The following PACRG variants were observed in gnomAD, a reference collection of about 807,000 sequenced individuals.
PACRG encodes the protein parkin coregulated gene protein.
Under a neutral mutation model 29.7 loss-of-function variants are expected in PACRG, and 29 were observed. That is an observed-to-expected ratio of 0.98 (90% CI 0.73 to 1.33). The LOEUF is 1.33. Ranked by LOEUF, PACRG falls within the 40% of genes most tolerant of loss-of-function variation. The probability of loss-of-function intolerance (pLI) is 0.00; values close to 1 mark genes in which losing one functional copy is unlikely to be tolerated. For missense variants in PACRG, 279 were observed against 316.2 expected (o/e 0.88, Z 0.89); for synonymous variants, 116 against 118.7 (o/e 0.98, Z 0.15).
chr6:163,313,846 C>T (rs1338534299), intron 4 of PACRG: 1 of 152,164 alleles, frequency 6.6e-6, no homozygotes, highest in African/African-American at 2.4e-5. Context: ...CCTTGGTAAC[C>T]TAGGAGTGGA....
chr6:163,126,739 T>A (rs996271182), intron 4 of PACRG, among the ~76,000 whole-genome samples: 1 of 152,160 alleles, frequency 6.6e-6, no homozygotes, highest in Non-Finnish European at 1.5e-5. Flanking sequence ...CCAGAATAAT[T>A]ATGAAAGCAA....
At chr6:163,289,506 T>G (rs1434841680) in intron 4 of PACRG, among the ~76,000 whole-genome samples, 3 of 152,194 alleles carry the variant, frequency 2.0e-5, no homozygotes, top group African/African-American at 7.2e-5. Context: ...TTTAAAATAC[T>G]TAAGATTTCA....
At chr6:163,160,093 C>CA (rs1778495528) in intron 4 of PACRG, among the ~76,000 whole-genome samples, 1 of 152,198 alleles carries the variant, frequency 6.6e-6, no homozygotes, top group Non-Finnish European at 1.5e-5. Flanking sequence ...AGAACCATAT[C>CA]AAAGACATTA....
chr6:162,979,605 A>G (rs1013426611), intron 2 of PACRG, among the ~76,000 whole-genome samples: 2 of 152,122 alleles, frequency 1.3e-5, no homozygotes, highest in African/African-American at 2.4e-5. Context: ...TGTCCAGACT[A>G]TGTTGTGAAG....
chr6:163,235,332 T>G (rs537639977), intron 4 of PACRG, among the ~76,000 whole-genome samples: 104 of 152,340 alleles, frequency 6.8e-4, no homozygotes, highest in African/African-American at 2.3e-3. Context: ...CATATAATCT[T>G]CTGGAGACAC....
chr6:162,945,462 A>G (rs1798936538), intron 2 of PACRG, among the ~76,000 whole-genome samples: 1 of 152,128 alleles, frequency 6.6e-6, no homozygotes, highest in Non-Finnish European at 1.5e-5. Flanking sequence ...AACAATTTTA[A>G]ACATATGTGC....
At position 163,258,326 on chromosome 6, in the gene PACRG, T is replaced by G. The variant is rs551578268; in HGVS notation, c.614-56501T>G. 3.3e-5 allele frequency among the ~76,000 whole-genome samples: 5 copies of G among 152,340 alleles called. No homozygotes were observed. In the South Asian group the frequency reaches 1.0e-3, roughly 32 times the overall value. ...TTTAGTGTATGCTGTCATGTTGGAT[T>G]TCTTGCATTGTGGAATATACCTTCC... On this transcript the variant is annotated intron_variant, in intron 4 of 4. Coordinates refer to ENST00000366888, the MANE Select transcript of PACRG (RefSeq NM_001080379.2).
chr6:163,289,076 G>A (rs766502720), intron 4 of PACRG, among the ~76,000 whole-genome samples: 2 of 152,212 alleles, frequency 1.3e-5, no homozygotes, highest in African/African-American at 2.4e-5. Flanking sequence ...GTGGCATGCA[G>A]ATGGGAGCCT....
At chr6:162,775,299 GT>G (rs1783556319) in intron 1 of PACRG, among the ~76,000 whole-genome samples, 1 of 152,114 alleles carries the variant, frequency 6.6e-6, no homozygotes, top group Non-Finnish European at 1.5e-5. Flanking sequence ...ATAGTATTTT[GT>G]TATGACAGCC....
chr6:163,067,132 T>TGC (rs1239931401), intron 3 of PACRG, among the ~76,000 whole-genome samples: 1 of 152,286 alleles, frequency 6.6e-6, no homozygotes, highest in South Asian at 2.1e-4. Context: ...GTGAACAGCC[T>TGC]TCCTGCTGTA....
intron 4 of PACRG, among the ~76,000 whole-genome samples, chr6:163,118,253 G>A (rs138974271): frequency 4.3e-4 from 66 of 152,292 alleles, no homozygotes; most frequent in African/African-American, 1.0e-3. Context: ...TCGGATGAAC[G>A]GGTTTATGAA....
chr6:162,963,401 A>G (rs1342007219), intron 2 of PACRG, among the ~76,000 whole-genome samples: 2 of 152,048 alleles, frequency 1.3e-5, no homozygotes, highest in East Asian at 3.9e-4. Context: ...ATGGGTCACA[A>G]ATTTATTATA....
chr6:163,207,524 C>T (rs1018976720), intron 4 of PACRG, among the ~76,000 whole-genome samples: 2 of 152,192 alleles, frequency 1.3e-5, no homozygotes, highest in South Asian at 2.1e-4. Context: ...CAACTCCCTA[C>T]GGTTTAGATG....
intron 1 of PACRG, among the ~76,000 whole-genome samples, chr6:162,809,136 GA>G (rs1370286167): frequency 1.3e-5 from 2 of 151,976 alleles, no homozygotes; most frequent in African/African-American, 4.8e-5. Context: ...ACCTGGAACA[GA>G]AAAAAATATT....
At chr6:162,969,324 T>C (rs753667992) in intron 2 of PACRG, among the ~76,000 whole-genome samples, 6 of 152,128 alleles carry the variant, frequency 3.9e-5, no homozygotes, top group Non-Finnish European at 8.8e-5. Flanking sequence ...GAACCTTTGA[T>C]GTTATCATCT....
At chr6:163,044,261 G>A (rs1284781467) in intron 2 of PACRG, among the ~76,000 whole-genome samples, 3 of 150,724 alleles carry the variant, frequency 2.0e-5, no homozygotes, top group Non-Finnish European at 4.4e-5. Context: ...CTTGGCTCCT[G>A]GGTTCATGCG....
chr6:163,181,290 G>A (rs1200106915), intron 4 of PACRG, among the ~76,000 whole-genome samples: 1 of 152,134 alleles, frequency 6.6e-6, no homozygotes, highest in Non-Finnish European at 1.5e-5. Flanking sequence ...CCTGAAACAG[G>A]CAGCCTAGGA....
At chr6:163,134,407 A>G (rs1292795009) in intron 4 of PACRG, among the ~76,000 whole-genome samples, 1 of 152,160 alleles carries the variant, frequency 6.6e-6, no homozygotes, top group Non-Finnish European at 1.5e-5. Flanking sequence ...TCTGTCTCCA[A>G]TGGGCGTTGA....
intron 1 of PACRG, among the ~76,000 whole-genome samples, chr6:162,751,153 A>ATT (rs71546909): frequency 8.1e-5 from 12 of 148,994 alleles, no homozygotes; most frequent in South Asian, 4.2e-4. Context: ...TTTAGAAATG[A>ATT]TTTTTTTTTT....
Sources: allele counts gnomAD v4.1 joint callset (sites outside exome capture counted in the v4.1 genomes callset), GRCh38; gene constraint gnomAD v4.1.1; transcripts MANE v1.5; gene names NCBI Gene and HGNC (gene_info 2026-07-23, HGNC 2026-07-21).